Variants in PLEKHH2 observed in about 807,000 individuals in gnomAD.
PLEKHH2 encodes the protein pleckstrin homology, MyTH4 and FERM domain containing H2.
In PLEKHH2, 129 loss-of-function variants were observed where a neutral mutation model predicts 187.9. That is an observed-to-expected ratio of 0.69 (90% CI 0.59 to 0.79). PLEKHH2 has a LOEUF of 0.79. Ranked by LOEUF, PLEKHH2 falls within the 30% of genes least tolerant of loss-of-function variation. PLEKHH2 has a pLI of 0.00. For missense variants in PLEKHH2, 2,076 were observed against 1,751.2 expected (o/e 1.19, Z -3.31); for synonymous variants, 686 against 605.6 (o/e 1.13, Z -1.95).
intron 1 of PLEKHH2, 128 bp from the exon 2 acceptor site, chr2:43,644,543 G>C: frequency 1.5e-6 from 1 of 648,638 alleles, no homozygotes; most frequent in Non-Finnish European, 2.3e-6. Flanking sequence ...TTTGTACATG[G>C]ATCTCACTAG....
intron 2 of PLEKHH2, among the ~76,000 whole-genome samples, chr2:43,667,638 G>A (rs1475750490): frequency 1.3e-5 from 2 of 152,224 alleles, no homozygotes; most frequent in Non-Finnish European, 2.9e-5. Context: ...ATATGCTACA[G>A]CATGGATGGA....
At position 43,683,264 on chromosome 2, in the gene PLEKHH2, G is replaced by A. The variant is rs149105147; in HGVS notation, c.186+4339G>A. Among the ~76,000 whole-genome samples, 114 of 146,456 alleles carry A rather than the reference G, an allele frequency of 7.8e-4. No homozygotes were observed. In the East Asian group the frequency reaches 0.022, roughly 28 times the overall value. On this transcript the variant is annotated intron_variant, in intron 3 of 29. Transcript: ENST00000282406. ...ACGTTCAAGCCATTCTCCTGCCTCAGCCTCCCGAGTAGCTGGGATTACAGG... is the reference window on the plus strand; with the variant it reads ...ACGTTCAAGCCATTCTCCTGCCTCAACCTCCCGAGTAGCTGGGATTACAGG...
Position 43,716,938 on chromosome 2 carries a change from A to G in PLEKHH2, c.2461-3731A>G, listed in dbSNP as rs962675758. 4.6e-5 allele frequency among the ~76,000 whole-genome samples: 7 copies of G among 152,200 alleles called. 1 individual carries two copies. Among genetic ancestry groups the G allele is most frequent in the Admixed American group, 4.6e-4 (7 of 15,280 alleles). ...ACTAGATTATTTAAAAGCAAATGGA[A>G]TTTTGTTGAGTGGATTTGTTAGAAG... On this transcript the variant is annotated intron_variant, in intron 15 of 29. Coordinates refer to ENST00000282406, the MANE Select transcript of PLEKHH2 (RefSeq NM_172069.4).
chr2:43,681,494 A>G (rs1409453255), intron 3 of PLEKHH2: 8 of 1,544,520 alleles, frequency 5.2e-6, no homozygotes, highest in Non-Finnish European at 6.1e-6. Flanking sequence ...TTTCCTGGGC[A>G]TCAACGTTAT....
chr2:43,649,896 A>C (rs959040213), intron 2 of PLEKHH2, among the ~76,000 whole-genome samples: 1 of 152,172 alleles, frequency 6.6e-6, no homozygotes. Flanking sequence ...CATTAAACAA[A>C]TTTATTTGTA....
At chr2:43,638,815 T>TA (rs11369805) in intron 1 of PLEKHH2, among the ~76,000 whole-genome samples, 89,172 of 151,998 alleles carry the variant, frequency 0.59, 26,733 homozygotes, top group Middle Eastern at 0.68. Flanking sequence ...TTGTACTTGT[T>TA]AACTAACTGA....
intron 2 of PLEKHH2, among the ~76,000 whole-genome samples, chr2:43,678,143 C>T (rs1459996313): frequency 7.3e-5 from 11 of 150,922 alleles, no homozygotes; most frequent in Middle Eastern, 7.0e-3. Context: ...CCCCACATCT[C>T]AGAAGATGGG....
chr2:43,697,512 T>C (rs531958468), intron 7 of PLEKHH2, among the ~76,000 whole-genome samples, 156 bp downstream of exon 7: 138 of 152,340 alleles, frequency 9.1e-4, no homozygotes, highest in African/African-American at 3.3e-3. Flanking sequence ...CATTTAACTT[T>C]GTGTGTCTAA....
At chr2:43,712,755 A>G (rs2104522997) in intron 15 of PLEKHH2, among the ~76,000 whole-genome samples, 1 of 152,308 alleles carries the variant, frequency 6.6e-6, no homozygotes, top group South Asian at 2.1e-4. Flanking sequence ...AAGGAACAAA[A>G]GACTCAATGG....
At chr2:43,710,769 T>A (rs1044105502) in intron 14 of PLEKHH2, 194 bp downstream of exon 14, 164 of 1,354,968 alleles carry the variant, frequency 1.2e-4, no homozygotes, top group Middle Eastern at 1.1e-3. Flanking sequence ...TAGGTGTGTG[T>A]TGAGTAACTC....
In PLEKHH2 at chr2:43,700,472, C is replaced by A. The variant is rs147485721; in HGVS notation, c.1514C>A (p.Thr505Lys). The A allele has an allele frequency of 6.2e-7, 1 of 1,613,966 alleles. No individual in the cohort carries two copies. The highest frequency in any genetic ancestry group is 8.5e-7 in the Non-Finnish European group (1 of 1,180,010). The part of the protein sequence containing the change: ...DSTEVLENMD[T>K]SCDDGLFSYD... ...ACAGAAGTTTTAGAGAATATGGACA[C>A]GAGTTGTGATGATGGATTATTTTCC... Residue 505 changes from threonine (T) to lysine (K), a missense_variant, in exon 8 of 30, where the codon ACG becomes AAG. By Grantham distance (78) the Thr-to-Lys change is moderately conservative. Coordinates refer to ENST00000282406, the MANE Select transcript of PLEKHH2 (RefSeq NM_172069.4).
chr2:43,681,072 G>C (rs994108449), intron 3 of PLEKHH2: 10 of 1,266,160 alleles, frequency 7.9e-6, no homozygotes, highest in African/African-American at 1.5e-5. Flanking sequence ...CCAATCTACT[G>C]TTCCACTATT....
chr2:43,709,873 C>T (rs1669865349), intron 11 of PLEKHH2, 117 bp from the exon 12 acceptor site: 6 of 1,035,412 alleles, frequency 5.8e-6, no homozygotes, highest in African/African-American at 3.2e-5. Flanking sequence ...GAGAATAAAT[C>T]TAGTCTAGGG....
intron 2 of PLEKHH2, among the ~76,000 whole-genome samples, chr2:43,651,360 C>A (rs1172769252): frequency 6.6e-6 from 1 of 152,194 alleles, no homozygotes; most frequent in East Asian, 1.9e-4. Flanking sequence ...AGCCACCGCG[C>A]CCGGCCCTCA....
chr2:43,734,561 C>T (rs1193521903), intron 19 of PLEKHH2, among the ~76,000 whole-genome samples: 1 of 152,150 alleles, frequency 6.6e-6, no homozygotes, highest in Non-Finnish European at 1.5e-5. Context: ...TATCATCTCA[C>T]CCCAGTTAAA....
chr2:43,740,888 A>T, intron 20 of PLEKHH2, 58 bp from the exon 21 acceptor site: 1 of 1,592,622 alleles, frequency 6.3e-7, no homozygotes, highest in Non-Finnish European at 8.5e-7. Context: ...GCACTCACTC[A>T]GATGTGGATC....
intron 3 of PLEKHH2, among the ~76,000 whole-genome samples, chr2:43,679,791 C>G (rs1226382060): frequency 6.6e-6 from 1 of 151,970 alleles, no homozygotes; most frequent in Non-Finnish European, 1.5e-5. Flanking sequence ...TGCCTGGCCC[C>G]CTATATTTTC....
At chr2:43,660,315 C>A (rs983846683) in intron 2 of PLEKHH2, among the ~76,000 whole-genome samples, 9 of 151,942 alleles carry the variant, frequency 5.9e-5, no homozygotes, top group Non-Finnish European at 1.0e-4. Context: ...CCAGTTTTGG[C>A]AATTACGAAT....
Position 43,757,182 on chromosome 2 carries a change from A to G in PLEKHH2, c.3859A>G (p.Lys1287Glu). ...AGCAGGGCATGTTACCAATCAGTGC[A>G]AAGTGAATCAAACTCTAAAGCAAGT... ...TPAGHVTNQC[K>E]VNQTLKQVIE... The change falls in exon 26 of 30, where the codon AAA (lysine) becomes GAA (glutamate). Residue 1287 changes from lysine (K) to glutamate (E), a missense_variant. By Grantham distance (56) the Lys-to-Glu change is moderately conservative. Transcript: ENST00000282406. 6.2e-7 allele frequency: 1 copy of G among 1,605,996 alleles called. No homozygotes were observed. The highest frequency in any genetic ancestry group is 8.5e-7 in the Non-Finnish European group (1 of 1,176,762).
Sources: gnomAD v4.1 joint callset for allele counts (sites outside exome capture counted in the v4.1 genomes callset) on GRCh38, gnomAD v4.1.1 for gene constraint, MANE v1.5 for transcripts, NCBI Gene and HGNC (gene_info 2026-07-23, HGNC 2026-07-21) for gene names.